POLQ: variants seen among roughly 807,000 people sequenced by gnomAD.
POLQ encodes the protein epididymis secretory sperm binding protein.
In POLQ, 233 loss-of-function variants were observed where a neutral mutation model predicts 259.2. That is an observed-to-expected ratio of 0.90 (90% CI 0.81 to 1.00). POLQ has a LOEUF of 1.00. Among genes scored for constraint, POLQ ranks in the 50% least tolerant of loss-of-function variants. POLQ has a pLI of 0.00. For missense variants in POLQ, 2,871 were observed against 3,051.6 expected (o/e 0.94, Z 1.39); for synonymous variants, 1,025 against 1,048.8 (o/e 0.98, Z 0.44).
At chr3:121,524,135 CAAGAA>C (rs895554483) in intron 7 of POLQ, among the ~76,000 whole-genome samples, 18 of 152,012 alleles carry the variant, frequency 1.2e-4, no homozygotes, top group Non-Finnish European at 1.5e-4. Context: ...AACAAAATCT[CAAGAA>C]AAGAAAATGA....
chr3:121,436,532 CAGTT>C (rs2047546051), intron 27 of POLQ, among the ~76,000 whole-genome samples: 1 of 152,136 alleles, frequency 6.6e-6, no homozygotes, highest in Non-Finnish European at 1.5e-5. Context: ...CTTGACTACT[CAGTT>C]AGCATCCAAA....
intron 26 of POLQ, among the ~76,000 whole-genome samples, chr3:121,446,027 C>A (rs1274986983): frequency 6.6e-6 from 1 of 151,704 alleles, no homozygotes; most frequent in Non-Finnish European, 1.5e-5. Context: ...AGATGGATTG[C>A]AGGTTATTTG....
chr3:121,496,061 G>GCA (rs1368055913), intron 14 of POLQ, among the ~76,000 whole-genome samples: 7 of 152,062 alleles, frequency 4.6e-5, no homozygotes, highest in Admixed American at 4.6e-4. Context: ...TTTGCTTAGG[G>GCA]TTTAATACAT....
At chr3:121,470,648 T>C (rs1240644089) in intron 22 of POLQ, among the ~76,000 whole-genome samples, 1 of 152,226 alleles carries the variant, frequency 6.6e-6, no homozygotes, top group African/African-American at 2.4e-5. Context: ...TCTCACTCTG[T>C]TGCCCAGGCT....
chr3:121,508,611 G>A (rs2048229010), intron 12 of POLQ, among the ~76,000 whole-genome samples: 1 of 152,188 alleles, frequency 6.6e-6, no homozygotes, highest in Non-Finnish European at 1.5e-5. Context: ...CCTGCTTTGA[G>A]ATTCCTCCCA....
At chr3:121,433,520 C>T (rs1324965699) in intron 28 of POLQ, among the ~76,000 whole-genome samples, 1 of 152,170 alleles carries the variant, frequency 6.6e-6, no homozygotes, top group Non-Finnish European at 1.5e-5. Flanking sequence ...ACCGTACACA[C>T]TCCAAACAAG....
rs769875567 is a variant in POLQ, at chr3:121,489,302, T to C, written c.3629A>G (p.Gln1210Arg). Reference sequence around the variant, plus strand: ...CATTTGTCTCTCTATTATATTTTTCTGTTTGGTAATAGTGCTTGTCTGTTC... The same window carrying C: ...CATTTGTCTCTCTATTATATTTTTCCGTTTGGTAATAGTGCTTGTCTGTTC... ...SHEQTSTITK[Q>R]KNIIERQMPC... Residue 1210 changes from glutamine to arginine, a missense_variant, in exon 16 of 30, where the codon CAG (glutamine) becomes CGG (arginine). Gln to Arg is a conservative substitution (Grantham distance 43, BLOSUM62 1). Around this residue, in one of 3 missense-constraint regions of POLQ, gnomAD observed 2,080 missense variants for 2,126.0 expected, o/e 0.98. Transcript: ENST00000264233. 1 of 1,613,862 alleles carries C rather than the reference T, an allele frequency of 6.2e-7. No homozygotes were observed.
intron 25 of POLQ, among the ~76,000 whole-genome samples, chr3:121,451,675 G>C (rs531034097): frequency 1.3e-5 from 2 of 152,210 alleles, no homozygotes; most frequent in African/African-American, 4.8e-5. Context: ...GTAACTGGCC[G>C]TGTGAGGTGT....
At chr3:121,476,269 G>A (rs763115934) in intron 20 of POLQ, among the ~76,000 whole-genome samples, 2 of 152,124 alleles carry the variant, frequency 1.3e-5, no homozygotes, top group Non-Finnish European at 2.9e-5. Context: ...AATACTTAGT[G>A]AGTCCCTCCT....
In POLQ at chr3:121,472,227, C is replaced by A. The variant is rs1366413178; in HGVS notation, c.6544-63G>T. ...CAAATTCCACAGCAAGCTAGAATCTCTTTTCTGTAAATAATACAGTCTCAA... is the reference window on the plus strand; with the variant it reads ...CAAATTCCACAGCAAGCTAGAATCTATTTTCTGTAAATAATACAGTCTCAA... On this transcript the variant is annotated intron_variant, in intron 21 of 29. Coordinates refer to ENST00000264233, the MANE Select transcript of POLQ (RefSeq NM_199420.4). The A allele has an allele frequency of 3.0e-5, 23 of 765,110 alleles. No homozygotes were observed. The Admixed American group carries it at 3.1e-4, about 10-fold the overall frequency. The allele number at this position is 765,110 out of a possible 1,614,324, so 47.4% of individuals were successfully genotyped here.
chr3:121,533,947 A>C (rs1255299023), intron 5 of POLQ, among the ~76,000 whole-genome samples: 1 of 106,792 alleles, frequency 9.4e-6, no homozygotes, highest in Non-Finnish European at 1.8e-5. Flanking sequence ...TCTGTTGCCC[A>C]CTCACTGCAA....
rs1262983478 is a variant in POLQ, at chr3:121,488,397, G to T, written c.4534C>A (p.Pro1512Thr). 1.2e-6 allele frequency: 2 copies of T among 1,611,268 alleles called. No homozygotes were observed. The highest frequency in any genetic ancestry group is 1.7e-6 in the Non-Finnish European group (2 of 1,177,530). Residue 1512 changes from proline to threonine, a missense_variant, in exon 16 of 30, where the codon CCC becomes ACC. By Grantham distance (38) the Pro-to-Thr change is conservative. Around this residue, in one of 3 missense-constraint regions of POLQ, gnomAD observed 2,080 missense variants for 2,126.0 expected, o/e 0.98. Coordinates refer to ENST00000264233, the MANE Select transcript of POLQ (RefSeq NM_199420.4). ...EQLPDMQMKE[P>T]LPSEVTSNHF... ...TTTGATGTTACTTCTGAAGGAAGGG[G>T]TTCTTTCATTTGCATATCAGGTAAT...
chr3:121,470,275 T>C (rs1465484181), intron 22 of POLQ, among the ~76,000 whole-genome samples: 4 of 152,038 alleles, frequency 2.6e-5, no homozygotes, highest in Non-Finnish European at 4.4e-5. Context: ...AATAAATAAA[T>C]AAATAAAAGA....
At chr3:121,456,320 C>T (rs2047736898) in intron 25 of POLQ, among the ~76,000 whole-genome samples, 2 of 151,924 alleles carry the variant, frequency 1.3e-5, no homozygotes, top group East Asian at 1.9e-4. Context: ...TGAAAACTGG[C>T]ACAAGACAGG....
chr3:121,453,128 A>G (rs2047694717), intron 25 of POLQ, among the ~76,000 whole-genome samples: 1 of 152,250 alleles, frequency 6.6e-6, no homozygotes, highest in Admixed American at 6.5e-5. Context: ...CCAGGCAACC[A>G]AGGTCTGGAG....
intron 5 of POLQ, among the ~76,000 whole-genome samples, chr3:121,535,588 C>T (rs539175498): frequency 8.2e-4 from 124 of 151,676 alleles, no homozygotes; most frequent in South Asian, 7.9e-3. Context: ...TGGTGGCAGG[C>T]GCCTATAATC....
In POLQ at chr3:121,506,768, T is replaced by C. The variant is rs149022973; in HGVS notation, c.1959+2793A>G. 3.1e-3 allele frequency among the ~76,000 whole-genome samples: 474 copies of C among 152,326 alleles called. 3 individuals carry two copies. Among genetic ancestry groups the C allele is most frequent in the African/African-American group, 0.011 (445 of 41,576 alleles). The stretch of plus-strand genomic sequence containing the variant: ...TTTACATTTCAGTCTTTCCTAAAGA[T>C]ACACCTCCATAAAAACTAAACACTG... On this transcript the variant is annotated intron_variant, in intron 12 of 29. Coordinates refer to ENST00000264233, the MANE Select transcript of POLQ (RefSeq NM_199420.4).
chr3:121,524,189 T>A (rs1338115203), intron 7 of POLQ, among the ~76,000 whole-genome samples: 1 of 152,076 alleles, frequency 6.6e-6, no homozygotes, highest in Non-Finnish European at 1.5e-5. Context: ...ATGGCCATGG[T>A]AAAATGTAAG....
At chr3:121,536,605 T>C (rs1463155877) in intron 5 of POLQ, among the ~76,000 whole-genome samples, 1 of 152,210 alleles carries the variant, frequency 6.6e-6, no homozygotes, top group Non-Finnish European at 1.5e-5. Context: ...AAATTAAGAA[T>C]GTTTACACAG....
Sources: allele counts gnomAD v4.1 joint callset (sites outside exome capture counted in the v4.1 genomes callset), GRCh38; gene constraint gnomAD v4.1.1; regional missense constraint gnomAD v4.1.1; transcripts MANE v1.5; gene names NCBI Gene and HGNC (gene_info 2026-07-23, HGNC 2026-07-21).